Variants in KCNIP4 observed in about 807,000 individuals in gnomAD.
The protein encoded by KCNIP4 is potassium voltage-gated channel interacting protein 4.
KCNIP4 carries 12 observed loss-of-function variants against 34.0 expected under a neutral mutation model. The observed-to-expected ratio is 0.35, with a 90% CI of 0.23 to 0.57. The LOEUF (loss-of-function observed/expected upper bound fraction) is 0.57, where lower values mean the gene tolerates loss of function less well. Among genes scored for constraint, KCNIP4 ranks in the 20% least tolerant of loss-of-function variants. The pLI is 0.83. For synonymous variants in KCNIP4, 124 were observed against 102.2 expected, an observed-to-expected ratio of 1.21 and a Z score of -1.29; for missense variants, 238 against 311.7, an observed-to-expected ratio of 0.76 and a Z score of 1.78.
chr4:21,192,403 C>T (rs538470347), intron 1 of KCNIP4, among the ~76,000 whole-genome samples: 15 of 152,236 alleles, frequency 9.9e-5, no homozygotes, highest in East Asian at 3.9e-4. Flanking sequence ...GTGAGCATGA[C>T]GTAAGTGCAC....
chr4:21,409,196 T>A (rs1313199076), intron 1 of KCNIP4, among the ~76,000 whole-genome samples: 1 of 151,852 alleles, frequency 6.6e-6, no homozygotes, highest in Non-Finnish European at 1.5e-5. Flanking sequence ...AACCTCGACC[T>A]CCTGGGCTCA....
intron 1 of KCNIP4, among the ~76,000 whole-genome samples, chr4:21,678,385 C>T (rs1283805122): frequency 7.5e-6 from 1 of 132,600 alleles, no homozygotes; most frequent in Non-Finnish European, 1.5e-5. Flanking sequence ...AAAAAAACAG[C>T]CAATAGACTG....
At chr4:21,740,004 G>C (rs2109126596) in intron 1 of KCNIP4, among the ~76,000 whole-genome samples, 1 of 152,174 alleles carries the variant, frequency 6.6e-6, no homozygotes, top group Middle Eastern at 3.4e-3. Context: ...TATGGGCTTA[G>C]TCCAAAAGGG....
chr4:21,618,421 C>T (rs1032218223), intron 1 of KCNIP4, among the ~76,000 whole-genome samples: 7 of 151,898 alleles, frequency 4.6e-5, no homozygotes, highest in African/African-American at 1.7e-4. Context: ...AATTTAGGAA[C>T]CATTGATGTA....
At chr4:21,887,482 A>T (rs1726847757) in intron 1 of KCNIP4, among the ~76,000 whole-genome samples, 1 of 152,058 alleles carries the variant, frequency 6.6e-6, no homozygotes, top group Non-Finnish European at 1.5e-5. Context: ...ATTCGATTTC[A>T]ATGTATGAAT....
chr4:20,972,306 T>C (rs1735035642), intron 1 of KCNIP4, among the ~76,000 whole-genome samples: 1 of 152,342 alleles, frequency 6.6e-6, no homozygotes, highest in South Asian at 2.1e-4. Context: ...TCTAGATCTA[T>C]CACAGGAATC....
At chr4:21,539,609 C>T (rs1413403743) in intron 1 of KCNIP4, among the ~76,000 whole-genome samples, 2 of 152,054 alleles carry the variant, frequency 1.3e-5, no homozygotes, top group African/African-American at 4.8e-5. Flanking sequence ...TAGTCATGTC[C>T]AGATTGAGCT....
intron 1 of KCNIP4, among the ~76,000 whole-genome samples, chr4:21,646,175 A>G (rs1457005434): frequency 3.3e-5 from 5 of 152,144 alleles, no homozygotes; most frequent in Non-Finnish European, 7.3e-5. Flanking sequence ...TAAAGCCTAC[A>G]TTATTATCCT....
At chr4:21,840,017 G>A (rs973149257) in intron 1 of KCNIP4, among the ~76,000 whole-genome samples, 13 of 151,800 alleles carry the variant, frequency 8.6e-5, no homozygotes, top group African/African-American at 2.4e-4. Context: ...CTTACTTATC[G>A]AAAATACTCC....
chr4:20,779,573 A>AC (rs1756670039), intron 3 of KCNIP4, among the ~76,000 whole-genome samples: 13 of 17,656 alleles, frequency 7.4e-4, no homozygotes, highest in South Asian at 2.4e-3. Context: ...CCCCTGCCCC[A>AC]CAACCCCCCC....
In KCNIP4 at chr4:20,882,859, GA is replaced by G. The variant is rs5856585; in HGVS notation, c.62-151del. 5.4e-3 allele frequency: 2,363 copies of G among 440,190 alleles called. 33 individuals are homozygous for G. Among genetic ancestry groups the G allele is most frequent in the African/African-American group, 0.04 (2,065 of 51,218 alleles). The allele number at this position is 440,190 out of a possible 1,614,324, so 27.3% of individuals were successfully genotyped here. Reference sequence around the variant, plus strand: ...GGCAGTGGGTTGGGACCCCCGAAAGGAAAAAAAAAGTTTGTTTTCTTCTTAT... The same window carrying G: ...GGCAGTGGGTTGGGACCCCCGAAAGGAAAAAAAAGTTTGTTTTCTTCTTAT... On this transcript the variant is annotated intron_variant, in intron 1 of 8. Transcript: ENST00000382152.
intron 1 of KCNIP4, among the ~76,000 whole-genome samples, chr4:21,389,458 C>G (rs999856285): frequency 9.5e-6 from 1 of 105,252 alleles, no homozygotes; most frequent in Non-Finnish European, 1.8e-5. Context: ...CCCCCTCCCC[C>G]CACCCCACAA....
chr4:21,301,966 G>A (rs914805734), intron 1 of KCNIP4, among the ~76,000 whole-genome samples: 3 of 151,974 alleles, frequency 2.0e-5, no homozygotes, highest in East Asian at 3.9e-4. Flanking sequence ...CCTTAATGTG[G>A]TTATCAACAT....
At chr4:21,270,841 G>A (rs1352850576) in intron 1 of KCNIP4, among the ~76,000 whole-genome samples, 2 of 151,942 alleles carry the variant, frequency 1.3e-5, no homozygotes, top group African/African-American at 4.8e-5. Flanking sequence ...TCAAAAATTA[G>A]CCAGGAATGT....
intron 1 of KCNIP4, among the ~76,000 whole-genome samples, chr4:21,229,772 T>G (rs1758662310): frequency 6.6e-6 from 1 of 152,146 alleles, no homozygotes; most frequent in African/African-American, 2.4e-5. Context: ...CATAGCTACC[T>G]GATTGCTATT....
intron 1 of KCNIP4, among the ~76,000 whole-genome samples, chr4:21,065,197 G>A (rs912782427): frequency 6.6e-6 from 1 of 151,754 alleles, no homozygotes; most frequent in South Asian, 2.1e-4. Context: ...TCTATGACAC[G>A]CTGAGCAGCT....
At chr4:20,776,533 T>C (rs528860718) in intron 3 of KCNIP4, among the ~76,000 whole-genome samples, 1 of 152,342 alleles carries the variant, frequency 6.6e-6, no homozygotes, top group African/African-American at 2.4e-5. Flanking sequence ...ACAATGCTCA[T>C]ATGAAAATAG....
At chr4:21,726,354 T>C (rs1715192264) in intron 1 of KCNIP4, among the ~76,000 whole-genome samples, 1 of 152,162 alleles carries the variant, frequency 6.6e-6, no homozygotes, top group Admixed American at 6.6e-5. Flanking sequence ...TAATAAACTG[T>C]ATTTTAAGCT....
chr4:21,933,777 A>T (rs1045200474), intron 1 of KCNIP4, among the ~76,000 whole-genome samples: 10 of 152,114 alleles, frequency 6.6e-5, no homozygotes, highest in East Asian at 1.9e-4. Context: ...ATTTAATAGG[A>T]TGATGGCAGA....
Sources: allele counts gnomAD v4.1 joint callset (sites outside exome capture counted in the v4.1 genomes callset), GRCh38; gene constraint gnomAD v4.1.1; transcripts MANE v1.5; gene names NCBI Gene and HGNC (gene_info 2026-07-23, HGNC 2026-07-21).